SLC4A5: variants seen among roughly 807,000 people sequenced by gnomAD.
The protein encoded by SLC4A5 is solute carrier family 4 member 5.
SLC4A5 carries 96 observed loss-of-function variants against 120.4 expected under a neutral mutation model. That is an observed-to-expected ratio of 0.80 (90% confidence interval 0.68 to 0.94). The LOEUF (loss-of-function observed/expected upper bound fraction) is 0.94. Among genes scored for constraint, SLC4A5 ranks in the 40% least tolerant of loss-of-function variants. The probability of loss-of-function intolerance (pLI) is 0.00; values close to 1 mark genes in which losing one functional copy is unlikely to be tolerated. For synonymous variants in SLC4A5, 550 were observed against 571.1 expected (o/e 0.96, Z 0.53); for missense variants, 1,259 against 1,459.5 (o/e 0.86, Z 2.24).
At chr2:74,229,702 CTGTG>C (rs913456979) in intron 25 of SLC4A5, among the ~76,000 whole-genome samples, 12 of 152,196 alleles carry the variant, frequency 7.9e-5, no homozygotes, top group Non-Finnish European at 1.3e-4. Context: ...GCTTGCCCTC[CTGTG>C]TGTAATTTGT....
At chr2:74,317,646 G>A (rs2104305935) in intron 5 of SLC4A5, among the ~76,000 whole-genome samples, 1 of 152,186 alleles carries the variant, frequency 6.6e-6, no homozygotes, top group South Asian at 2.1e-4. Flanking sequence ...GGACAGCTGA[G>A]GGCAAAAAGG....
chr2:74,296,766 G>A (rs370737908), intron 7 of SLC4A5, among the ~76,000 whole-genome samples: 1 of 140,466 alleles, frequency 7.1e-6, no homozygotes, highest in African/African-American at 2.8e-5. Context: ...CAGCTTGGGT[G>A]ACGGAGCAAG....
chr2:74,264,771 A>C (rs2075007), intron 9 of SLC4A5, among the ~76,000 whole-genome samples: 12,767 of 152,114 alleles, frequency 0.084, 1,140 homozygotes, highest in East Asian at 0.39. Flanking sequence ...TAATTTCCTA[A>C]AGATGAATGA....
At chr2:74,249,121 C>A (rs1670711211) in intron 17 of SLC4A5, among the ~76,000 whole-genome samples, 1 of 152,136 alleles carries the variant, frequency 6.6e-6, no homozygotes, top group South Asian at 2.1e-4. Context: ...AGTAGGAACC[C>A]TCCTCCCAGT....
At chr2:74,290,925 A>C (rs1672147682) in intron 7 of SLC4A5, among the ~76,000 whole-genome samples, 1 of 152,006 alleles carries the variant, frequency 6.6e-6, no homozygotes, top group Non-Finnish European at 1.5e-5. Flanking sequence ...ATGTGCTGTG[A>C]GATTCCCCAG....
At chr2:74,270,241 G>GT (rs1468485521) in intron 8 of SLC4A5, among the ~76,000 whole-genome samples, 1 of 152,204 alleles carries the variant, frequency 6.6e-6, no homozygotes, top group Non-Finnish European at 1.5e-5. Context: ...ACTTAATTTT[G>GT]TGTTTTCAAT....
At chr2:74,329,072 G>T (rs547947310) in intron 4 of SLC4A5, among the ~76,000 whole-genome samples, 13 of 152,290 alleles carry the variant, frequency 8.5e-5, no homozygotes, top group African/African-American at 3.1e-4. Context: ...AAGGATGGCT[G>T]CTGGCTCTCT....
chr2:74,315,762 A>AT (rs1672948670), intron 5 of SLC4A5, among the ~76,000 whole-genome samples: 1 of 151,928 alleles, frequency 6.6e-6, no homozygotes, highest in Non-Finnish European at 1.5e-5. Context: ...GTGCCACTGC[A>AT]TTACAGCCTG....
At chr2:74,227,770 T>C (rs1195226016) in intron 26 of SLC4A5, 40 bp downstream of exon 26, 1 of 1,541,070 alleles carries the variant, frequency 6.5e-7, no homozygotes, top group Non-Finnish European at 8.8e-7. Flanking sequence ...CATGGAATGT[T>C]GACTCCAGAT....
chr2:74,238,259 A>G (rs1558871590), intron 21 of SLC4A5, among the ~76,000 whole-genome samples: 1 of 152,168 alleles, frequency 6.6e-6, no homozygotes, highest in Non-Finnish European at 1.5e-5. Context: ...ACCAAAATAA[A>G]TGAAGTATAC....
chr2:74,269,781 C>T (rs752487548), intron 8 of SLC4A5, among the ~76,000 whole-genome samples: 3 of 152,144 alleles, frequency 2.0e-5, no homozygotes, highest in Non-Finnish European at 4.4e-5. Context: ...ACATCCTAGG[C>T]CAGACAGTCT....
chr2:74,247,807 G>A (rs956981900), intron 18 of SLC4A5, among the ~76,000 whole-genome samples: 2 of 152,028 alleles, frequency 1.3e-5, no homozygotes, highest in East Asian at 3.8e-4. Flanking sequence ...GAGCCACCAC[G>A]CCCGGCCAAA....
chr2:74,259,257 G>A (rs1159731136), intron 12 of SLC4A5, among the ~76,000 whole-genome samples: 1 of 152,168 alleles, frequency 6.6e-6, no homozygotes, highest in Non-Finnish European at 1.5e-5. Flanking sequence ...AAAGGTGCTT[G>A]TGGATCACAG....
intron 19 of SLC4A5, among the ~76,000 whole-genome samples, chr2:74,244,468 C>CTCTTTCTT (rs35563879): frequency 2.1e-5 from 3 of 146,100 alleles, no homozygotes; most frequent in African/African-American, 7.6e-5. Context: ...CCTTTTCTTT[C>CTCTTTCTT]TCTTTCTTTC....
chr2:74,248,507 T>C (rs1392111017), intron 17 of SLC4A5, 21 bp from the exon 18 acceptor site: 5 of 1,613,190 alleles, frequency 3.1e-6, no homozygotes, highest in Non-Finnish European at 4.2e-6. Flanking sequence ...AAGGAATGTG[T>C]GGTTCAGCAT....
intron 21 of SLC4A5, among the ~76,000 whole-genome samples, chr2:74,237,167 G>A (rs575345783): frequency 4.6e-5 from 7 of 152,106 alleles, no homozygotes; most frequent in South Asian, 2.1e-4. Context: ...TAGTAGAGAC[G>A]GGGATTCACC....
chr2:74,314,239 C>A (rs1672895563), intron 6 of SLC4A5, among the ~76,000 whole-genome samples: 2 of 152,222 alleles, frequency 1.3e-5, no homozygotes, highest in South Asian at 4.2e-4. Flanking sequence ...CTTGCCCTCC[C>A]CCAAGTCTAC....
chr2:74,276,691 A>ACATATTCATTACTACAGGTATGAAAGG (rs1671652154), intron 8 of SLC4A5, among the ~76,000 whole-genome samples: 1 of 152,208 alleles, frequency 6.6e-6, no homozygotes, highest in African/African-American at 2.4e-5. Flanking sequence ...GGTATGAAAG[A>ACATATTCATTACTACAGGTATGAAAGG]CATATTTGGG....
rs1019887228 is a variant in SLC4A5 at position 74,292,872 on chromosome 2, G to T, written c.272-6970C>A. ...TCGGCTCCCTGATGGGTGGCTACACGGTCAGCTTTGTGAGGTCAGGGCCTA... is the reference window on the plus strand; with the variant it reads ...TCGGCTCCCTGATGGGTGGCTACACTGTCAGCTTTGTGAGGTCAGGGCCTA... On this transcript the variant is annotated intron_variant, in intron 7 of 30. Coordinates refer to ENST00000394019, the Ensembl canonical transcript of SLC4A5. Among the ~76,000 whole-genome samples the T allele has an allele frequency of 3.9e-5, 6 of 152,236 alleles. No individual in the cohort carries two copies. The East Asian group carries it at 1.2e-3, about 29-fold the overall frequency.
Sources: gnomAD v4.1 joint callset for allele counts (sites outside exome capture counted in the v4.1 genomes callset) on GRCh38, gnomAD v4.1.1 for gene constraint, MANE v1.5 for transcripts, NCBI Gene and HGNC (gene_info 2026-07-23, HGNC 2026-07-21) for gene names.